The following CEMIP2 variants were observed in gnomAD, a reference collection of about 807,000 sequenced individuals.
The protein encoded by CEMIP2 is cell migration inducing hyaluronidase 2.
In CEMIP2, 79 loss-of-function variants were observed where a neutral mutation model predicts 146.9. That is an observed-to-expected ratio of 0.54 (90% CI 0.45 to 0.65). The LOEUF is 0.65. Ranked by LOEUF, CEMIP2 falls within the 30% of genes least tolerant of loss-of-function variation. The pLI is 0.00. For synonymous variants in CEMIP2, 601 were observed against 606.3 expected, an observed-to-expected ratio of 0.99 and a Z score of 0.13; for missense variants, 1,596 against 1,696.2, an observed-to-expected ratio of 0.94 and a Z score of 1.04.
chr9:71,707,773 C>T lies in CEMIP2; in HGVS notation c.2985+1486G>A, dbSNP rs1416422822. On this transcript the variant is annotated intron_variant, in intron 17 of 23. Coordinates refer to ENST00000377044, the MANE Select transcript of CEMIP2 (RefSeq NM_013390.3). ...TCTAGCAGCAAATCAAAGAAAGGGG[C>T]TTCTTTCCTGTCTTTAGGGCTATCA... is the stretch of plus-strand genomic sequence containing the variant. Among the ~76,000 whole-genome samples the T allele has an allele frequency of 5.3e-5, 8 of 152,224 alleles. No individual in the cohort carries two copies. The East Asian group carries it at 1.2e-3, about 22-fold the overall frequency.
rs145301327 is a variant in CEMIP2 at position 71,722,505 on chromosome 9, A to C, written c.2189T>G (p.Phe730Cys). Residue 730 changes from phenylalanine to cysteine, a missense_variant, in exon 12 of 24, where the codon TTT (phenylalanine) becomes TGT (cysteine). Coordinates refer to ENST00000377044, the MANE Select transcript of CEMIP2 (RefSeq NM_013390.3). ...GGTTGTTTTGACACCTTTGTCAATA[A>C]ATAAGCCAGCCTGAAAAATATAAAT... ...RVHSNFKAGL[F>C]IDKGVKTTNS... 23 of 1,612,724 alleles carry C rather than the reference A, an allele frequency of 1.4e-5. No homozygotes were observed. The highest frequency in any genetic ancestry group is 1.8e-5 in the Non-Finnish European group (21 of 1,179,208).
chr9:71,685,787 A>G lies in CEMIP2; in HGVS notation c.3911T>C (p.Leu1304Pro). ...EIKQLNISHL[L>P]VPLGLAKPAH... is the part of the protein sequence containing the mutation. ...TGGTTTGGCTAATCCCAGAGGTACT[A>G]GTAAGTGTGAAATGTTTAACTGCTT... The change falls in exon 23 of 24, where the codon CTA (leucine) becomes CCA (proline). Residue 1304 changes from leucine to proline, a missense_variant. By Grantham distance (98) the Leu-to-Pro change is moderately conservative. Transcript: ENST00000377044. The G allele has an allele frequency of 6.2e-7, 1 of 1,614,126 alleles. No individual in the cohort carries two copies. Among genetic ancestry groups the G allele is most frequent in the Non-Finnish European group, 8.5e-7 (1 of 1,179,990 alleles).
chr9:71,721,179 T>G (rs1823221093), intron 12 of CEMIP2, among the ~76,000 whole-genome samples: 1 of 152,146 alleles, frequency 6.6e-6, no homozygotes, highest in African/African-American at 2.4e-5. Flanking sequence ...AAGAACACAT[T>G]ACTTTCTACC....
intron 2 of CEMIP2, 114 bp from the exon 3 acceptor site, chr9:71,746,455 G>A: frequency 7.9e-7 from 1 of 1,263,862 alleles, no homozygotes. Flanking sequence ...AACATATGTT[G>A]ATTTCCTGCC....
intron 6 of CEMIP2, among the ~76,000 whole-genome samples, chr9:71,733,034 T>C (rs1377563435): frequency 1.3e-5 from 2 of 152,110 alleles, no homozygotes; most frequent in Non-Finnish European, 2.9e-5. Flanking sequence ...GTCCATACGC[T>C]CTTGGTCTCC....
chr9:71,702,965 T>C (rs182065908), intron 18 of CEMIP2, among the ~76,000 whole-genome samples: 16 of 152,360 alleles, frequency 1.1e-4, no homozygotes, highest in Admixed American at 5.2e-4. Context: ...ATATAACTTA[T>C]AGAGTACTGA....
Position 71,730,137 on chromosome 9 carries a change from G to A in CEMIP2, c.1890C>T (p.Leu630=). Residue 630 remains leucine, a synonymous_variant, in exon 9 of 24, where the codon CTC becomes CTT. Coordinates refer to ENST00000377044, the MANE Select transcript of CEMIP2 (RefSeq NM_013390.3). Reference sequence around the variant, plus strand: ...TGGAGTTGTTCCTATCGGTGGGCAGGAGAGTACCCGGCTTGGTGAGGAGTC... The same window carrying A: ...TGGAGTTGTTCCTATCGGTGGGCAGAAGAGTACCCGGCTTGGTGAGGAGTC... ...NLGLLTKPGT[L]LPTDRNNSMC... The A allele has an allele frequency of 6.2e-7, 1 of 1,614,138 alleles. No homozygotes were observed. The highest frequency in any genetic ancestry group is 1.6e-4 in the Middle Eastern group (1 of 6,062).
In CEMIP2 at chr9:71,746,270, T is replaced by C. The variant is rs912966258; in HGVS notation, c.403A>G (p.Ile135Val). The C allele has an allele frequency of 1.1e-5, 18 of 1,613,938 alleles. No homozygotes were observed. The highest frequency in any genetic ancestry group is 1.5e-5 in the Non-Finnish European group (18 of 1,179,928). Residue 135 changes from isoleucine to valine, a missense_variant, in exon 3 of 24, where the codon ATC (isoleucine) becomes GTC (valine). By Grantham distance (29) the Ile-to-Val change is conservative. Coordinates refer to ENST00000377044, the MANE Select transcript of CEMIP2 (RefSeq NM_013390.3). Reference sequence around the variant, plus strand: ...AGACGGAGCATATCTCCCTCCTTGATAACAACTTGCTTTGCAGAATCTTGT... The same window carrying C: ...AGACGGAGCATATCTCCCTCCTTGACAACAACTTGCTTTGCAGAATCTTGT... ...PGQDSAKQVV[I>V]KEGDMLRLTS...
intron 1 of CEMIP2, among the ~76,000 whole-genome samples, chr9:71,753,998 G>A (rs1824337501): frequency 6.6e-6 from 1 of 152,088 alleles, no homozygotes; most frequent in Non-Finnish European, 1.5e-5. Flanking sequence ...CTCACTCATA[G>A]GTGGGAATTG....
At chr9:71,755,553 A>T (rs960764000) in intron 1 of CEMIP2, among the ~76,000 whole-genome samples, 1 of 152,066 alleles carries the variant, frequency 6.6e-6, no homozygotes, top group African/African-American at 2.4e-5. Flanking sequence ...CTAAAAAAAT[A>T]AAAAATAAAA....
intron 13 of CEMIP2, among the ~76,000 whole-genome samples, chr9:71,717,017 TAA>T (rs756271660): frequency 1.3e-5 from 2 of 152,008 alleles, no homozygotes; most frequent in Non-Finnish European, 2.9e-5. Context: ...ACAAAAAATT[TAA>T]AAGTTAGCAG....
rs376532934 is a variant in CEMIP2, at chr9:71,698,045, T to G, written c.3537A>C (p.Ser1179=). The G allele has an allele frequency of 3.7e-6, 6 of 1,614,108 alleles. No homozygotes were observed. Among genetic ancestry groups the G allele is most frequent in the Middle Eastern group, 1.6e-4 (1 of 6,084 alleles). Residue 1179 remains serine (S), a synonymous_variant, in exon 20 of 24, where the codon TCA becomes TCC. Coordinates refer to ENST00000377044, the MANE Select transcript of CEMIP2 (RefSeq NM_013390.3). ...GCATGGCCGGCATCCGCTTGACCAC[T>G]GACGGCTTTCTGTAGTACTGTGGGT... The part of the protein sequence containing the change: ...KAYPQYYRKP[S]VVKRMPAMLT...
intron 22 of CEMIP2, among the ~76,000 whole-genome samples, chr9:71,689,588 C>T (rs994588106): frequency 6.6e-6 from 1 of 152,132 alleles, no homozygotes; most frequent in African/African-American, 2.4e-5. Context: ...TCCAAGTGAC[C>T]CAGGTGATGA....
intron 11 of CEMIP2, among the ~76,000 whole-genome samples, chr9:71,724,263 T>C (rs947217336): frequency 6.6e-6 from 1 of 151,550 alleles, no homozygotes; most frequent in Non-Finnish European, 1.5e-5. Context: ...CACTGCACTC[T>C]AGCCTGGGCG....
rs778580201 is a variant in CEMIP2, at chr9:71,704,736, T to A, written c.3053A>T (p.Asn1018Ile). ...MTITRDEYPSNPMVLRGINQK... is the reference protein window; with the variant it reads ...MTITRDEYPSIPMVLRGINQK... ...ATTAATACCTCGGAGCACCATAGGG[T>A]TGGACGGATACTCATCTCGTGTAAT... Residue 1018 changes from asparagine (N) to isoleucine (I), a missense_variant, in exon 18 of 24, where the codon AAC becomes ATC. Physicochemically the swap from Asn to Ile is moderately radical, Grantham distance 149 (BLOSUM62 -3). Coordinates refer to ENST00000377044, the MANE Select transcript of CEMIP2 (RefSeq NM_013390.3). 3 of 1,614,172 alleles carry A rather than the reference T, an allele frequency of 1.9e-6. No homozygotes were observed. In the South Asian group the frequency reaches 3.3e-5, roughly 18 times the overall value.
At chr9:71,723,466 G>A (rs1445231545) in intron 11 of CEMIP2, among the ~76,000 whole-genome samples, 2 of 151,876 alleles carry the variant, frequency 1.3e-5, no homozygotes, top group African/African-American at 2.4e-5. Flanking sequence ...CAGATAAAAC[G>A]AAAATTATTT....
chr9:71,732,892 C>A (rs72737979), intron 6 of CEMIP2, among the ~76,000 whole-genome samples: 6 of 151,748 alleles, frequency 4.0e-5, no homozygotes, highest in Non-Finnish European at 5.9e-5. Flanking sequence ...ACCCTCACTA[C>A]TAACTGTTCT....
Position 71,734,877 on chromosome 9 carries a change from G to A in CEMIP2, c.1322C>T (p.Ser441Phe). The A allele has an allele frequency of 1.9e-6, 3 of 1,613,926 alleles. No individual in the cohort carries two copies. The highest frequency in any genetic ancestry group is 2.5e-6 in the Non-Finnish European group (3 of 1,179,988). Residue 441 changes from serine to phenylalanine, a missense_variant, in exon 6 of 24, where the codon TCC (serine) becomes TTC (phenylalanine). Physicochemically the swap from Ser to Phe is radical, Grantham distance 155 (BLOSUM62 -2). Transcript: ENST00000377044. ...AGTGAACTCCTCTGCTTGGTACATG[G>A]AATAGTCTGTGCTTGCGACCACAAT... The part of the protein sequence containing the change: ...DQIVVASTDY[S>F]MYQAEEFTLL...
At position 71,745,509 on chromosome 9, in the gene CEMIP2, G is replaced by A. The variant is rs1410042356; in HGVS notation, c.543C>T (p.Ile181=). The change falls in exon 4 of 24, where the codon ATC becomes ATT. Residue 181 remains isoleucine (I), a synonymous_variant. Coordinates refer to ENST00000377044, the MANE Select transcript of CEMIP2 (RefSeq NM_013390.3). ...CAATATGAAGCGCCCCACCATCCTG[G>A]ATCAGGATGTAATGAGTCCTCAAAG... The part of the protein sequence containing the change: ...NITLRTHYIL[I]QDGGALHIGA... 3 of 1,613,728 alleles carry A rather than the reference G, an allele frequency of 1.9e-6. No individual in the cohort carries two copies. The highest frequency in any genetic ancestry group is 2.5e-6 in the Non-Finnish European group (3 of 1,179,996).
Sources: gnomAD v4.1 joint callset for allele counts (sites outside exome capture counted in the v4.1 genomes callset) on GRCh38, gnomAD v4.1.1 for gene constraint, MANE v1.5 for transcripts, NCBI Gene and HGNC (gene_info 2026-07-23, HGNC 2026-07-21) for gene names.